The following CSMD1 variants were observed in gnomAD, a reference collection of about 807,000 sequenced individuals.
CSMD1 encodes CUB and sushi domain-containing protein 1.
CSMD1 carries 213 observed loss-of-function variants against 417.5 expected under a neutral mutation model. The ratio of observed to expected loss-of-function variants is 0.51; its 90% CI spans 0.46 to 0.57. CSMD1 has a LOEUF of 0.57. CSMD1 is among the 20% of genes least tolerant of loss of function. The probability of loss-of-function intolerance (pLI) is 0.00; values close to 1 mark genes in which losing one functional copy is unlikely to be tolerated. For synonymous variants in CSMD1, 2,862 were observed against 1,736.8 expected (o/e 1.65, Z -16.11); for missense variants, 6,923 against 4,529.7 (o/e 1.53, Z -15.17).
chr8:4,803,938 G>A (rs1371027365), intron 1 of CSMD1, among the ~76,000 whole-genome samples: 1 of 152,256 alleles, frequency 6.6e-6, no homozygotes, highest in Non-Finnish European at 1.5e-5. Flanking sequence ...AATACGATGG[G>A]CATTCATGCA....
intron 2 of CSMD1, among the ~76,000 whole-genome samples, chr8:4,616,550 C>T (rs906504703): frequency 1.4e-4 from 21 of 152,176 alleles, no homozygotes; most frequent in Admixed American, 1.1e-3. Flanking sequence ...GCCAGCAATA[C>T]ATCAGTTATA....
chr8:3,492,154 C>A (rs948764821), intron 11 of CSMD1, among the ~76,000 whole-genome samples: 1 of 152,116 alleles, frequency 6.6e-6, no homozygotes, highest in African/African-American at 2.4e-5. Context: ...GGGACTGAAA[C>A]GGGTGGGCGT....
intron 3 of CSMD1, among the ~76,000 whole-genome samples, chr8:4,197,985 G>C (rs779118): frequency 0.12 from 18,040 of 152,224 alleles, 1,342 homozygotes; most frequent in Middle Eastern, 0.22. Context: ...ATAAAGTAAT[G>C]AATAAAACAT....
chr8:4,787,472 G>C lies in CSMD1; in HGVS notation c.86-149914C>G, dbSNP rs564143642. Reference sequence around the variant, plus strand: ...TAGAAAGAATCACCTGGAAGGAAAAGCTGCAATCTCAAAGAAAATCACCAG... The same window carrying C: ...TAGAAAGAATCACCTGGAAGGAAAACCTGCAATCTCAAAGAAAATCACCAG... On this transcript the variant is annotated intron_variant, in intron 1 of 69. Transcript: ENST00000635120. 3.2e-4 allele frequency: 266 copies of C among 820,952 alleles called. 1 individual carries two copies. The highest frequency in any genetic ancestry group is 2.7e-3 in the Middle Eastern group (10 of 3,642). 50.9% of individuals were successfully genotyped at this position (820,952 alleles called of 1,614,324 possible). A position where few individuals can be genotyped will look rare whatever the true frequency, so the allele number is the denominator to read the frequency against.
At chr8:4,076,773 T>C (rs892290567) in intron 3 of CSMD1, among the ~76,000 whole-genome samples, 2 of 152,216 alleles carry the variant, frequency 1.3e-5, no homozygotes, top group African/African-American at 4.8e-5. Flanking sequence ...TTTCAGGCTC[T>C]GAACAACAAC....
At chr8:3,161,148 T>C (rs1204871739) in intron 38 of CSMD1, among the ~76,000 whole-genome samples, 8 of 152,218 alleles carry the variant, frequency 5.3e-5, no homozygotes, top group Admixed American at 2.6e-4. Flanking sequence ...GTTTTGATTA[T>C]CAATTTTTAT....
chr8:4,764,555 C>G (rs909386989), intron 1 of CSMD1, among the ~76,000 whole-genome samples: 3 of 152,008 alleles, frequency 2.0e-5, no homozygotes, highest in African/African-American at 7.2e-5. Context: ...GGAAACCAGC[C>G]AAGCTGCTCT....
intron 26 of CSMD1, among the ~76,000 whole-genome samples, chr8:3,245,807 G>A (rs941540202): frequency 2.6e-5 from 4 of 152,192 alleles, no homozygotes; most frequent in Non-Finnish European, 5.9e-5. Flanking sequence ...TAGGGGACTA[G>A]TTACTGTTTA....
chr8:4,032,206 C>G (rs563134500), intron 3 of CSMD1, 107 bp from the exon 4 acceptor site: 8 of 732,820 alleles, frequency 1.1e-5, no homozygotes, highest in South Asian at 2.2e-5. Context: ...ATGAGAAAAC[C>G]TCTAGCATCA....
intron 4 of CSMD1, among the ~76,000 whole-genome samples, chr8:4,017,508 G>T (rs1472876905): frequency 1.3e-5 from 2 of 152,076 alleles, no homozygotes; most frequent in Non-Finnish European, 2.9e-5. Context: ...GTTTCTCCAT[G>T]TTGGTCAGGC....
intron 25 of CSMD1, among the ~76,000 whole-genome samples, chr8:3,304,538 G>C (rs765433500): frequency 5.9e-5 from 9 of 152,024 alleles, no homozygotes; most frequent in Non-Finnish European, 1.3e-4. Flanking sequence ...AGGAAATTAA[G>C]GATAAACATG....
chr8:3,186,381 A>C (rs1238355687), intron 36 of CSMD1, among the ~76,000 whole-genome samples: 1 of 152,242 alleles, frequency 6.6e-6, no homozygotes, highest in Non-Finnish European at 1.5e-5. Context: ...ATTTGAAATA[A>C]AAGTTCCTAA....
intron 2 of CSMD1, among the ~76,000 whole-genome samples, chr8:4,542,405 T>C (rs1797432688): frequency 6.6e-6 from 1 of 152,202 alleles, no homozygotes; most frequent in Non-Finnish European, 1.5e-5. Context: ...GAATAACCAT[T>C]AAAAATCTCA....
chr8:3,610,477 G>T (rs1196412352), intron 8 of CSMD1, among the ~76,000 whole-genome samples: 2 of 12,524 alleles, frequency 1.6e-4, no homozygotes, highest in Non-Finnish European at 7.7e-4. Context: ...CGAGATTACA[G>T]TACTCCAGGC....
intron 1 of CSMD1, among the ~76,000 whole-genome samples, chr8:4,840,776 T>C (rs540114607): frequency 2.0e-4 from 31 of 152,310 alleles, no homozygotes; most frequent in African/African-American, 7.2e-4. Flanking sequence ...TATTAAAATG[T>C]CCATGTCGTT....
At chr8:4,335,434 G>A (rs370308255) in intron 3 of CSMD1, among the ~76,000 whole-genome samples, 21 of 152,138 alleles carry the variant, frequency 1.4e-4, no homozygotes, top group South Asian at 6.2e-4. Flanking sequence ...CCAGAAACTC[G>A]TTACTAGAAT....
At chr8:3,714,757 C>G (rs2623572) in intron 6 of CSMD1, among the ~76,000 whole-genome samples, 44 of 151,812 alleles carry the variant, frequency 2.9e-4, no homozygotes, top group African/African-American at 1.1e-3. Context: ...AACAACAACA[C>G]AAGAATTTTT....
At chr8:3,213,449 T>G (rs1026835054) in intron 30 of CSMD1, among the ~76,000 whole-genome samples, 2 of 152,164 alleles carry the variant, frequency 1.3e-5, no homozygotes, top group Non-Finnish European at 2.9e-5. Flanking sequence ...CCAGGAAGTC[T>G]ACCCTCCCAC....
intron 5 of CSMD1, among the ~76,000 whole-genome samples, chr8:3,829,366 A>G (rs1327123871): frequency 6.6e-6 from 1 of 152,126 alleles, no homozygotes; most frequent in African/African-American, 2.4e-5. Flanking sequence ...ACTCTGTCAA[A>G]CTATACCCCT....
Sources: allele counts gnomAD v4.1 joint callset (sites outside exome capture counted in the v4.1 genomes callset), GRCh38; gene constraint gnomAD v4.1.1; transcripts MANE v1.5; gene names NCBI Gene and HGNC (gene_info 2026-07-23, HGNC 2026-07-21).